ATP9B: variants seen among roughly 807,000 people sequenced by gnomAD.
The protein encoded by ATP9B is probable phospholipid-transporting ATPase IIB.
In ATP9B, 110 loss-of-function variants were observed where a neutral mutation model predicts 146.1. The observed-to-expected ratio is 0.75, with a 90% confidence interval of 0.65 to 0.88. ATP9B has a LOEUF of 0.88. ATP9B is among the 40% of genes least tolerant of loss of function. ATP9B has a pLI of 0.00. For missense variants in ATP9B, 1,499 were observed against 1,496.4 expected (o/e 1.00, Z -0.03); for synonymous variants, 604 against 569.7 (o/e 1.06, Z -0.86).
rs895736512 is a variant in ATP9B, at chr18:79,240,088, A to G, written c.1108-13293A>G. Among the ~76,000 whole-genome samples the G allele has an allele frequency of 4.6e-5, 7 of 152,238 alleles. No homozygotes were observed. The South Asian group carries it at 1.2e-3, about 27-fold the overall frequency. On this transcript the variant is annotated intron_variant, in intron 11 of 29. Transcript: ENST00000426216. ...AGCACAGGAGGAGAGCCCTCCAGCTAGAAAGCTCCAGTAGAAGCTGGCGAA... is the reference window on the plus strand; with the variant it reads ...AGCACAGGAGGAGAGCCCTCCAGCTGGAAAGCTCCAGTAGAAGCTGGCGAA...
At chr18:79,198,688 G>T (rs1034934374) in intron 9 of ATP9B, among the ~76,000 whole-genome samples, 2 of 152,168 alleles carry the variant, frequency 1.3e-5, no homozygotes, top group Non-Finnish European at 2.9e-5. Flanking sequence ...ATAAGTATCT[G>T]TGTATCTAAC....
chr18:79,084,101 C>T (rs1218529137), intron 1 of ATP9B, among the ~76,000 whole-genome samples: 1 of 151,866 alleles, frequency 6.6e-6, no homozygotes, highest in Non-Finnish European at 1.5e-5. Context: ...TCATGATCCA[C>T]CCGCCTCGGC....
At chr18:79,073,305 C>T (rs967458555) in intron 1 of ATP9B, among the ~76,000 whole-genome samples, 7 of 152,126 alleles carry the variant, frequency 4.6e-5, no homozygotes, top group East Asian at 3.9e-4. Context: ...TGTAGCGAGC[C>T]GAGATCACCC....
At chr18:79,185,984 T>C (rs2095304949) in intron 8 of ATP9B, among the ~76,000 whole-genome samples, 1 of 152,236 alleles carries the variant, frequency 6.6e-6, no homozygotes, top group African/African-American at 2.4e-5. Flanking sequence ...ATAACTGTGC[T>C]GCAGAGCCTG....
intron 7 of ATP9B, among the ~76,000 whole-genome samples, chr18:79,168,993 G>A (rs2095028558): frequency 6.6e-6 from 1 of 152,044 alleles, no homozygotes; most frequent in South Asian, 2.1e-4. Flanking sequence ...TTTGAGGTTC[G>A]TGACAGAAAA....
intron 15 of ATP9B, among the ~76,000 whole-genome samples, 188 bp from the exon 16 acceptor site, chr18:79,328,953 T>G (rs1487991985): frequency 6.6e-6 from 1 of 152,232 alleles, no homozygotes; most frequent in Non-Finnish European, 1.5e-5. Flanking sequence ...GTGATATTGC[T>G]TAGGATTCCT....
chr18:79,150,903 A>G (rs1355098069), intron 6 of ATP9B, among the ~76,000 whole-genome samples: 2 of 152,154 alleles, frequency 1.3e-5, no homozygotes, highest in East Asian at 3.9e-4. Flanking sequence ...TGGGCCCGGG[A>G]ATTCAAGGCT....
chr18:79,296,408 C>G (rs2096547900), intron 13 of ATP9B, among the ~76,000 whole-genome samples: 1 of 152,190 alleles, frequency 6.6e-6, no homozygotes. Context: ...TCCTAAAGAT[C>G]TTGTGTGGCT....
At chr18:79,143,416 A>T (rs1312494987) in intron 5 of ATP9B, among the ~76,000 whole-genome samples, 1 of 152,174 alleles carries the variant, frequency 6.6e-6, no homozygotes, top group Non-Finnish European at 1.5e-5. Context: ...GTGCTAATTA[A>T]TGCCATTTAT....
At chr18:79,133,115 C>G (rs1599788409) in intron 5 of ATP9B, among the ~76,000 whole-genome samples, 1 of 152,132 alleles carries the variant, frequency 6.6e-6, no homozygotes, top group Non-Finnish European at 1.5e-5. Flanking sequence ...TGGTCTCAAA[C>G]TCCTGGCCTC....
chr18:79,266,736 G>A (rs1050566478), intron 12 of ATP9B, among the ~76,000 whole-genome samples: 5 of 151,868 alleles, frequency 3.3e-5, no homozygotes, highest in South Asian at 2.1e-4. Context: ...GTATTAACAC[G>A]GTAAATGATA....
chr18:79,200,758 G>GGAACTGTCGGGGTCAGA (rs1450828837), intron 9 of ATP9B, among the ~76,000 whole-genome samples: 1 of 152,252 alleles, frequency 6.6e-6, no homozygotes, highest in East Asian at 1.9e-4. Context: ...GGTGGAGGTG[G>GGAACTGTCGGGGTCAGA]GAACGTTGGG....
At chr18:79,241,012 C>A (rs966011966) in intron 11 of ATP9B, among the ~76,000 whole-genome samples, 1 of 152,156 alleles carries the variant, frequency 6.6e-6, no homozygotes, top group African/African-American at 2.4e-5. Flanking sequence ...GAATAACAGA[C>A]ATTACACAGC....
At chr18:79,073,260 T>C (rs950971396) in intron 1 of ATP9B, among the ~76,000 whole-genome samples, 3 of 152,076 alleles carry the variant, frequency 2.0e-5, no homozygotes, top group Non-Finnish European at 4.4e-5. Context: ...CTCAGCACTT[T>C]GGGAGGCCAA....
intron 13 of ATP9B, among the ~76,000 whole-genome samples, chr18:79,284,356 T>C (rs1186675406): frequency 6.6e-6 from 1 of 152,204 alleles, no homozygotes; most frequent in Non-Finnish European, 1.5e-5. Flanking sequence ...TGGGGGTGTT[T>C]GGGCCAGTTG....
At chr18:79,217,972 T>C (rs2095643502) in intron 11 of ATP9B, among the ~76,000 whole-genome samples, 2 of 152,242 alleles carry the variant, frequency 1.3e-5, no homozygotes, top group African/African-American at 2.4e-5. Flanking sequence ...CATTGATACA[T>C]TGGAGTTCGT....
chr18:79,302,371 A>T (rs951082290), intron 13 of ATP9B, among the ~76,000 whole-genome samples: 1 of 150,334 alleles, frequency 6.7e-6, no homozygotes, highest in Admixed American at 6.6e-5. Flanking sequence ...CACGCGTGGC[A>T]CCACGTTGTG....
intron 13 of ATP9B, among the ~76,000 whole-genome samples, chr18:79,301,237 AT>A (rs1296909089): frequency 2.0e-5 from 3 of 152,338 alleles, no homozygotes; most frequent in South Asian, 4.1e-4. Flanking sequence ...CACACCTGTT[AT>A]CCCAGCACTT....
chr18:79,299,457 T>C (rs1470487041), intron 13 of ATP9B, among the ~76,000 whole-genome samples: 1 of 152,158 alleles, frequency 6.6e-6, no homozygotes, highest in Admixed American at 6.5e-5. Context: ...AAGTCACAGG[T>C]CAGATGCCAC....
Sources: gnomAD v4.1 joint callset for allele counts (sites outside exome capture counted in the v4.1 genomes callset) on GRCh38, gnomAD v4.1.1 for gene constraint, MANE v1.5 for transcripts, NCBI Gene and HGNC (gene_info 2026-07-23, HGNC 2026-07-21) for gene names.